The following GNAZ variants were observed in gnomAD, a reference collection of about 807,000 sequenced individuals.
GNAZ encodes the protein G protein subunit alpha z, also known as guanine nucleotide-binding protein G(z) subunit alpha.
Under a neutral mutation model 25.4 loss-of-function variants are expected in GNAZ, and 3 were observed. That is an observed-to-expected ratio of 0.12 (90% CI 0.05 to 0.30). The LOEUF (loss-of-function observed/expected upper bound fraction) is 0.30, where lower values mean the gene tolerates loss of function less well. GNAZ is among the 10% of genes least tolerant of loss of function. The pLI, the probability that GNAZ is intolerant of heterozygous loss-of-function variation, is 1.00. For synonymous variants in GNAZ, 211 were observed against 205.7 expected, an observed-to-expected ratio of 1.03 and a Z score of -0.22; for missense variants, 241 against 501.8, an observed-to-expected ratio of 0.48 and a Z score of 4.97.
chr22:23,095,757 G>T lies in GNAZ; in HGVS notation c.62G>T (p.Arg21Leu). 6.2e-7 allele frequency: 1 copy of T among 1,612,712 alleles called. No homozygotes were observed. Among genetic ancestry groups the T allele is most frequent in the Non-Finnish European group, 8.5e-7 (1 of 1,179,752 alleles). Residue 21 changes from arginine (R) to leucine (L), a missense_variant, in exon 2 of 3, where the codon CGC becomes CTC. By Grantham distance (102) the Arg-to-Leu change is moderately radical. Coordinates refer to ENST00000615612, the MANE Select transcript of GNAZ (RefSeq NM_002073.4). ...EAARRSRRID[R>L]HLRSESQRQR... The stretch of plus-strand genomic sequence containing the variant: ...GCCCGGCGGTCCCGGAGAATTGACC[G>T]CCACCTGCGCTCAGAGAGCCAGCGG...
At position 23,076,289 on chromosome 22, in the gene GNAZ, T is replaced by C. The variant is rs117960119; in HGVS notation, c.-450+5719T>C. Among the ~76,000 whole-genome samples, 1,040 of 152,332 alleles carry C rather than the reference T, an allele frequency of 6.8e-3. 13 individuals are homozygous for C. Among genetic ancestry groups the C allele is most frequent in the Middle Eastern group, 0.068 (20 of 294 alleles). ...ATCGTATGTGTTTGTGTAAGCTCCA[T>C]GAGGGCAGGGACGTTGCGGAGTCAC... On this transcript the variant is annotated intron_variant, in intron 1 of 2. Transcript: ENST00000615612.
intron 2 of GNAZ, among the ~76,000 whole-genome samples, chr22:23,111,364 G>A (rs114361700): frequency 1.3e-5 from 2 of 152,228 alleles, no homozygotes; most frequent in African/African-American, 2.4e-5. Flanking sequence ...AGAGGCAAGC[G>A]CACTGGACTC....
At chr22:23,072,225 G>A (rs1201114197) in intron 1 of GNAZ, among the ~76,000 whole-genome samples, 1 of 152,194 alleles carries the variant, frequency 6.6e-6, no homozygotes, top group Non-Finnish European at 1.5e-5. Context: ...TGCTTAGCTA[G>A]TGACTCTGTG....
At chr22:23,098,860 C>CGGGCCA (rs1055892084) in intron 2 of GNAZ, among the ~76,000 whole-genome samples, 2 of 152,250 alleles carry the variant, frequency 1.3e-5, no homozygotes, top group African/African-American at 2.4e-5. Context: ...CGTCTCCAGC[C>CGGGCCA]GGGCCAGGGC....
chr22:23,078,629 C>T (rs527714701), intron 1 of GNAZ, among the ~76,000 whole-genome samples: 5 of 152,354 alleles, frequency 3.3e-5, no homozygotes, highest in African/African-American at 2.4e-5. Flanking sequence ...CCACTGCGGT[C>T]CCCAGGGACC....
At position 23,087,166 on chromosome 22, in the gene GNAZ, A is replaced by G. The variant is rs980391957; in HGVS notation, c.-449-8081A>G. ...GGCTCCAGAGTTGGGGGCAGCACCC[A>G]CTCTTTAAGAGATGATAGAATGAGC... On this transcript the variant is annotated intron_variant, in intron 1 of 2. Coordinates refer to ENST00000615612, the MANE Select transcript of GNAZ (RefSeq NM_002073.4). Among the ~76,000 whole-genome samples the G allele has an allele frequency of 4.6e-5, 7 of 152,220 alleles. 1 individual carries two copies. Among genetic ancestry groups the G allele is most frequent in the African/African-American group, 1.7e-4 (7 of 41,524 alleles).
In GNAZ at chr22:23,124,387, G is replaced by A; in HGVS notation, c.*956G>A. 2 of 469,282 alleles carry A rather than the reference G, an allele frequency of 4.3e-6. No homozygotes were observed. The highest frequency in any genetic ancestry group is 3.1e-5 in the South Asian group (2 of 64,368). 29.1% of individuals were successfully genotyped at this position (469,282 alleles called of 1,614,324 possible). On this transcript the variant is annotated 3_prime_UTR_variant, in exon 3 of 3. Coordinates refer to ENST00000615612, the MANE Select transcript of GNAZ (RefSeq NM_002073.4). ...GTAAAAGTTGTTATCTGGACGATCT[G>A]TCTCTCTGCTCCAAAGAAATTTTGG...
chr22:23,124,753 C>T lies in GNAZ; in HGVS notation c.*1322C>T, dbSNP rs2070132682. On this transcript the variant is annotated 3_prime_UTR_variant, in exon 3 of 3. Coordinates refer to ENST00000615612, the MANE Select transcript of GNAZ (RefSeq NM_002073.4). ...GCCTGAGGGAGGCCCTGCTGGGACC[C>T]TGATCTGGGCCTTCCTGTCCCAGGG... 1 of 166,188 alleles carries T rather than the reference C, an allele frequency of 6.0e-6. No homozygotes were observed. The highest frequency in any genetic ancestry group is 6.3e-5 in the Admixed American group (1 of 15,832). The allele number at this position is 166,188 out of a possible 1,614,324, so 10.3% of individuals were successfully genotyped here. A position where few individuals can be genotyped will look rare whatever the true frequency, so the allele number is the denominator to read the frequency against.
At chr22:23,122,270 A>G (rs5759593) in intron 2 of GNAZ, 76,772 of 152,164 alleles carry the variant, frequency 0.5, 20,586 homozygotes, top group Non-Finnish European at 0.61. Flanking sequence ...CACATCGAAG[A>G]TTCTCAGAAG....
At position 23,084,918 on chromosome 22, in the gene GNAZ, G is replaced by A. The variant is rs11705217; in HGVS notation, c.-449-10329G>A. On this transcript the variant is annotated intron_variant, in intron 1 of 2. Coordinates refer to ENST00000615612, the MANE Select transcript of GNAZ (RefSeq NM_002073.4). Reference sequence around the variant, plus strand: ...TACCATCGCATGTCCAGGTGACATCGCACGTCCAGGTGCCATTGCACACTG... The same window carrying A: ...TACCATCGCATGTCCAGGTGACATCACACGTCCAGGTGCCATTGCACACTG... Among the ~76,000 whole-genome samples the A allele has an allele frequency of 2.9e-3, 441 of 152,316 alleles. 1 individual carries two copies. The highest frequency in any genetic ancestry group is 4.8e-3 in the South Asian group (23 of 4,822).
rs1358951360 is a variant in GNAZ at position 23,096,340 on chromosome 22, C to T, written c.645C>T (p.Cys215=). The change falls in exon 2 of 3, where the codon TGC becomes TGT. Residue 215 remains cysteine, a synonymous_variant. Coordinates refer to ENST00000615612, the MANE Select transcript of GNAZ (RefSeq NM_002073.4). ...CAGAGCGCAAAAAGTGGATCCACTG[C>T]TTCGAGGGCGTCACAGCCATCATCT... is the stretch of plus-strand genomic sequence containing the variant. The part of the protein sequence containing the change: ...QRSERKKWIH[C]FEGVTAIIFC... 3 of 1,613,732 alleles carry T rather than the reference C, an allele frequency of 1.9e-6. No individual in the cohort carries two copies. Among genetic ancestry groups the T allele is most frequent in the South Asian group, 1.1e-5 (1 of 91,078 alleles).
chr22:23,074,149 G>A (rs1167735090), intron 1 of GNAZ, among the ~76,000 whole-genome samples: 1 of 152,178 alleles, frequency 6.6e-6, no homozygotes, highest in Non-Finnish European at 1.5e-5. Flanking sequence ...ACCTTGGCAG[G>A]GTTGGAGCAG....
intron 1 of GNAZ, among the ~76,000 whole-genome samples, chr22:23,075,706 A>G (rs961061751): frequency 5.9e-5 from 9 of 152,178 alleles, no homozygotes; most frequent in African/African-American, 1.7e-4. Flanking sequence ...GCAGCCTCCA[A>G]CCAGAAACAC....
Position 23,071,410 on chromosome 22 carries a change from C to T in GNAZ, c.-450+840C>T, listed in dbSNP as rs969783408. On this transcript the variant is annotated intron_variant, in intron 1 of 2. Transcript: ENST00000615612. The surrounding 1 kb of genome is among the most constrained non-coding windows in gnomAD (Gnocchi z 4.1). ...AGCGAGACCAGCGTTCCGCGTAGTC[C>T]GTGTTGGGGTGGAGGGACCCGCCTG... Among the ~76,000 whole-genome samples, 1 of 152,192 alleles carries T rather than the reference C, an allele frequency of 6.6e-6. No homozygotes were observed. The highest frequency in any genetic ancestry group is 6.5e-5 in the Admixed American group (1 of 15,290).
At chr22:23,122,941 G>A in intron 2 of GNAZ, 146 bp from the exon 3 acceptor site, 1 of 615,164 alleles carries the variant, frequency 1.6e-6, no homozygotes, top group South Asian at 2.0e-5. Context: ...ATTTAACCTG[G>A]GCTTCCCCAG....
intron 2 of GNAZ, among the ~76,000 whole-genome samples, chr22:23,114,961 G>T (rs760933641): frequency 5.3e-5 from 8 of 152,234 alleles, no homozygotes; most frequent in Middle Eastern, 3.2e-3. Flanking sequence ...AGCTGGCAGG[G>T]CTGGGGGTTC....
At position 23,095,274 on chromosome 22, in the gene GNAZ, C is replaced by T. The variant is rs41310042; in HGVS notation, c.-422C>T. ...GAAGGGCTGGATGCACAGTGGGAGC[C>T]GGAGGCGGGGGGCTGCAGGGAGCAC... On this transcript the variant is annotated 5_prime_UTR_variant, in exon 2 of 3. Transcript: ENST00000615612. 7.1e-5 allele frequency: 14 copies of T among 196,474 alleles called. No homozygotes were observed. Among genetic ancestry groups the T allele is most frequent in the African/African-American group, 1.6e-4 (7 of 42,494 alleles). The allele number at this position is 196,474 out of a possible 1,614,324, so 12.2% of individuals were successfully genotyped here.
At chr22:23,090,041 C>G (rs1224341633) in intron 1 of GNAZ, among the ~76,000 whole-genome samples, 2 of 152,126 alleles carry the variant, frequency 1.3e-5, no homozygotes, top group East Asian at 1.9e-4. Context: ...TTTGCCACAC[C>G]CTTCACGCTG....
At chr22:23,108,916 C>A (rs1030213122) in intron 2 of GNAZ, among the ~76,000 whole-genome samples, 1 of 152,210 alleles carries the variant, frequency 6.6e-6, no homozygotes, top group African/African-American at 2.4e-5. Flanking sequence ...AGGAGACATG[C>A]TGTGCATGCT....
Sources: gnomAD v4.1 joint callset for allele counts (sites outside exome capture counted in the v4.1 genomes callset) on GRCh38, gnomAD v4.1.1 for gene constraint, Gnocchi (gnomAD v3.1) non-coding constraint, MANE v1.5 for transcripts, NCBI Gene and HGNC (gene_info 2026-07-23, HGNC 2026-07-21) for gene names.